PAX9: variants seen among roughly 807,000 people sequenced by gnomAD.
The protein encoded by PAX9 is paired box 9, also known as paired box protein Pax-9.
Under a neutral mutation model 29.1 loss-of-function variants are expected in PAX9, and 6 were observed. The ratio of observed to expected loss-of-function variants is 0.21; its 90% CI spans 0.11 to 0.41. PAX9 has a LOEUF of 0.41. Among genes scored for constraint, PAX9 ranks in the 10% least tolerant of loss-of-function variants. The probability of loss-of-function intolerance (pLI) is 1.00; values close to 1 mark genes in which losing one functional copy is unlikely to be tolerated. For missense variants in PAX9, 443 were observed against 479.1 expected (o/e 0.92, Z 0.70); for synonymous variants, 217 against 211.7 (o/e 1.03, Z -0.22).
chr14:36,666,400 G>C lies in PAX9; in HGVS notation c.632-62G>C, dbSNP rs7143727. 57,877 of 1,577,648 alleles carry C rather than the reference G, an allele frequency of 0.037. 1,199 individuals carry two copies. Among genetic ancestry groups the C allele is most frequent in the African/African-American group, 0.083 (6,144 of 74,090 alleles). On this transcript the variant is annotated intron_variant, in intron 2 of 3. Coordinates refer to ENST00000361487, the MANE Select transcript of PAX9 (RefSeq NM_001372076.1). Reference sequence around the variant, plus strand: ...GCTCTCCGTCGCGGGTTTGGGTCCCGTCTCAAGAGTGGGGCGCGCGGGCTG... The same window carrying C: ...GCTCTCCGTCGCGGGTTTGGGTCCCCTCTCAAGAGTGGGGCGCGCGGGCTG...
upstream of PAX9, among the ~76,000 whole-genome samples, chr14:36,660,826 A>G (rs560747238): frequency 6.6e-6 from 1 of 152,388 alleles, no homozygotes; most frequent in East Asian, 1.9e-4. Flanking sequence ...GCAAAAAAGC[A>G]TACGGTACAC....
At chr14:36,669,122 T>A (rs1881615628) in intron 3 of PAX9, among the ~76,000 whole-genome samples, 1 of 152,208 alleles carries the variant, frequency 6.6e-6, no homozygotes, top group Admixed American at 6.5e-5. Flanking sequence ...GTGGCTACTC[T>A]ATGATAATTA....
chr14:36,669,437 CA>C (rs5807896), intron 3 of PAX9, among the ~76,000 whole-genome samples: 1 of 151,262 alleles, frequency 6.6e-6, no homozygotes, highest in African/African-American at 2.4e-5. Context: ...TGTCTTTGGC[CA>C]AAAAAAAGCT....
chr14:36,679,302 AT>A lies in PAX9; in HGVS notation c.*2851del, dbSNP rs1248722538. 7.2e-6 allele frequency: 7 copies of A among 974,410 alleles called. No individual in the cohort carries two copies. In the African/African-American group the frequency reaches 1.2e-4, roughly 17 times the overall value. The allele number at this position is 974,410 out of a possible 1,614,324, so 60.4% of individuals were successfully genotyped here. A position where few individuals can be genotyped will look rare whatever the true frequency, so the allele number is the denominator to read the frequency against. ...AGAAGGCTATGTATGTATATACAGT[AT>A]GTCAAAAGCCTTTTATTTTTATACT... On this transcript the variant is annotated 3_prime_UTR_variant, in exon 4 of 4. Transcript: ENST00000361487.
In PAX9 at chr14:36,664,568, GTTT is replaced by G. The variant is rs34440866; in HGVS notation, c.631+1060_631+1062del. ...ACCTGAGTTTGTTTTCTTTTACTGA[GTTT>G]TTTTTTTTTTTTTTAAGGCGTTAAC... On this transcript the variant is annotated intron_variant, in intron 2 of 3. Coordinates refer to ENST00000361487, the MANE Select transcript of PAX9 (RefSeq NM_001372076.1). Among the ~76,000 whole-genome samples, 586 of 142,004 alleles carry G rather than the reference GTTT, an allele frequency of 4.1e-3. 3 individuals carry two copies. The highest frequency in any genetic ancestry group is 0.014 in the African/African-American group (535 of 38,288). 93.2% of individuals were successfully genotyped at this position (142,004 alleles called of 152,430 possible).
At position 36,663,205 on chromosome 14, in the gene PAX9, C is replaced by G; in HGVS notation, c.313C>G (p.Arg105Gly). Residue 105 changes from arginine to glycine, a missense_variant, in exon 2 of 4, where the codon CGC (arginine) becomes GGC (glycine). By Grantham distance (125) the Arg-to-Gly change is moderately radical (BLOSUM62 -2). This residue lies in a region of PAX9 where 107 missense variants were observed against 161.9 expected (regional missense o/e 0.66). Coordinates refer to ENST00000361487, the MANE Select transcript of PAX9 (RefSeq NM_001372076.1). ...CATCTTCGCCTGGGAGATCCGGGACCGCCTGCTGGCGGACGGCGTGTGCGA... is the reference window on the plus strand; with the variant it reads ...CATCTTCGCCTGGGAGATCCGGGACGGCCTGCTGGCGGACGGCGTGTGCGA... ...PGIFAWEIRD[R>G]LLADGVCDKY... The G allele has an allele frequency of 1.9e-6, 3 of 1,614,080 alleles. No homozygotes were observed. The highest frequency in any genetic ancestry group is 2.5e-6 in the Non-Finnish European group (3 of 1,180,042).
intron 2 of PAX9, 107 bp from the exon 3 acceptor site, chr14:36,666,355 C>T (rs1881486104): frequency 6.9e-7 from 1 of 1,450,472 alleles, no homozygotes; most frequent in Non-Finnish European, 9.2e-7. Flanking sequence ...AGGGAGCCGA[C>T]CCAAGGTCTA....
upstream of PAX9, among the ~76,000 whole-genome samples, chr14:36,659,930 C>T (rs1881193381): frequency 6.6e-6 from 1 of 152,190 alleles, no homozygotes; most frequent in African/African-American, 2.4e-5. Flanking sequence ...TGAGGTCTTG[C>T]CTGTTCGTAT....
intron 3 of PAX9, among the ~76,000 whole-genome samples, chr14:36,672,847 TC>T: frequency 7.6e-6 from 1 of 131,984 alleles, no homozygotes; most frequent in Admixed American, 8.1e-5. Flanking sequence ...TTTCTTTCTT[TC>T]TTCCTTTTTT....
At chr14:36,662,225 T>C (rs1270997501) in intron 1 of PAX9, 132 bp downstream of exon 1, 1 of 1,070,550 alleles carries the variant, frequency 9.3e-7, no homozygotes, top group Non-Finnish European at 1.3e-6. Flanking sequence ...ACTTTGCTCG[T>C]GTTCCTACAA....
At chr14:36,662,855 C>G (rs747359527) in intron 1 of PAX9, 42 bp from the exon 2 acceptor site, 1 of 1,581,742 alleles carries the variant, frequency 6.3e-7, no homozygotes, top group East Asian at 2.2e-5. Flanking sequence ...CTGTCCCAAG[C>G]AGCGGGTGCG....
upstream of PAX9, chr14:36,661,821 T>A (rs1881279079): frequency 3.6e-6 from 2 of 553,492 alleles, no homozygotes; most frequent in Non-Finnish European, 6.4e-6. Flanking sequence ...TTAGGGCGTG[T>A]CCCCAGTGAG....
At chr14:36,665,170 A>G (rs866585811) in intron 2 of PAX9, among the ~76,000 whole-genome samples, 1,840 of 95,286 alleles carry the variant, frequency 0.019, 42 homozygotes, top group African/African-American at 0.067. Context: ...ACATAGTGAA[A>G]AAAAAAAAAA....
upstream of PAX9, among the ~76,000 whole-genome samples, chr14:36,660,160 T>A (rs1324421188): frequency 6.6e-6 from 1 of 152,180 alleles, no homozygotes; most frequent in Non-Finnish European, 1.5e-5. Flanking sequence ...TCTCAACTAA[T>A]TTATCTACCA....
chr14:36,663,080 C>G lies in PAX9; in HGVS notation c.188C>G (p.Thr63Arg), dbSNP rs749743496. ...AAGATCCTGGCGCGATACAACGAGA[C>G]GGGCTCGATCTTGCCAGGAGCCATC... ...VSKILARYNE[T>R]GSILPGAIGG... The change falls in exon 2 of 4, where the codon ACG becomes AGG. Residue 63 changes from threonine to arginine, a missense_variant. Coordinates refer to ENST00000361487, the MANE Select transcript of PAX9 (RefSeq NM_001372076.1). The G allele has an allele frequency of 1.2e-6, 2 of 1,613,810 alleles. No individual in the cohort carries two copies. The highest frequency in any genetic ancestry group is 1.7e-6 in the Non-Finnish European group (2 of 1,180,038).
upstream of PAX9, chr14:36,658,048 C>G (rs752132): frequency 2.0e-5 from 3 of 151,930 alleles, no homozygotes; most frequent in Non-Finnish European, 4.4e-5. Flanking sequence ...AGGGCGGACC[C>G]TCCCTCGCCC....
rs186877662 is a variant in PAX9 at position 36,676,648 on chromosome 14, G to C, written c.*196G>C. 2 of 651,896 alleles carry C rather than the reference G, an allele frequency of 3.1e-6. No homozygotes were observed. The highest frequency in any genetic ancestry group is 2.8e-5 in the East Asian group (1 of 36,050). The allele number at this position is 651,896 out of a possible 1,614,324, so 40.4% of individuals were successfully genotyped here. On this transcript the variant is annotated 3_prime_UTR_variant, in exon 4 of 4. Coordinates refer to ENST00000361487, the MANE Select transcript of PAX9 (RefSeq NM_001372076.1). ...ATAACTTTTCTCTTGCAGAAAAACTGACATGACTTTAGGATTTAAAAACAA... is the reference window on the plus strand; with the variant it reads ...ATAACTTTTCTCTTGCAGAAAAACTCACATGACTTTAGGATTTAAAAACAA...
chr14:36,670,317 A>G (rs1256787805), intron 3 of PAX9, among the ~76,000 whole-genome samples: 1 of 152,058 alleles, frequency 6.6e-6, no homozygotes, highest in East Asian at 1.9e-4. Context: ...AGAAATAGAG[A>G]ATAGTCTATA....
intron 3 of PAX9, among the ~76,000 whole-genome samples, chr14:36,673,198 C>T (rs866691533): frequency 2.3e-4 from 35 of 152,066 alleles, no homozygotes; most frequent in Middle Eastern, 3.4e-3. Context: ...CAACCATCTC[C>T]GAGCTTCTCT....
Sources: allele counts gnomAD v4.1 joint callset (sites outside exome capture counted in the v4.1 genomes callset), GRCh38; gene constraint gnomAD v4.1.1; regional missense constraint gnomAD v4.1.1; transcripts MANE v1.5; gene names NCBI Gene and HGNC (gene_info 2026-07-23, HGNC 2026-07-21).